Variants in UST observed in about 807,000 individuals in gnomAD.
UST encodes the protein uronyl 2-sulfotransferase.
Under a neutral mutation model 45.6 loss-of-function variants are expected in UST, and 21 were observed. That is an observed-to-expected ratio of 0.46 (90% confidence interval 0.33 to 0.66). The LOEUF (loss-of-function observed/expected upper bound fraction) is 0.66, where lower values mean the gene tolerates loss of function less well. Among genes scored for constraint, UST ranks in the 30% least tolerant of loss-of-function variants. The pLI is 0.02. For missense variants in UST, 463 were observed against 512.4 expected, an observed-to-expected ratio of 0.90 and a Z score of 0.93; for synonymous variants, 215 against 200.6, an observed-to-expected ratio of 1.07 and a Z score of -0.61.
intron 1 of UST, among the ~76,000 whole-genome samples, chr6:148,844,324 T>C (rs1336648066): frequency 6.6e-6 from 1 of 152,232 alleles, no homozygotes; most frequent in Admixed American, 6.5e-5. Context: ...TTAAAGAGAA[T>C]AAGTTACTTG....
chr6:148,767,435 T>C (rs780547509), intron 1 of UST, among the ~76,000 whole-genome samples: 1 of 152,252 alleles, frequency 6.6e-6, no homozygotes, highest in African/African-American at 2.4e-5. Context: ...AATGTCAAGT[T>C]TGTTAATAAG....
Position 148,800,194 on chromosome 6 carries a change from G to A in UST, c.247+52517G>A, listed in dbSNP as rs570850116. ...CTTCCTCAGTGGTGCTCTATGGGCAGTTACTGACCCTCACTGGGTTTTTAA... is the reference window on the plus strand; with the variant it reads ...CTTCCTCAGTGGTGCTCTATGGGCAATTACTGACCCTCACTGGGTTTTTAA... On this transcript the variant is annotated intron_variant, in intron 1 of 7. Transcript: ENST00000367463. 2.6e-5 allele frequency among the ~76,000 whole-genome samples: 4 copies of A among 152,328 alleles called. No homozygotes were observed. In the South Asian group the frequency reaches 8.3e-4, roughly 32 times the overall value.
intron 1 of UST, among the ~76,000 whole-genome samples, chr6:148,750,947 A>G (rs898727462): frequency 1.3e-5 from 2 of 152,072 alleles, no homozygotes; most frequent in African/African-American, 2.4e-5. Flanking sequence ...GGGTCCTTGG[A>G]CCTGCCGCAT....
intron 7 of UST, among the ~76,000 whole-genome samples, chr6:149,047,174 C>A (rs12153925): frequency 2.0e-5 from 3 of 151,968 alleles, no homozygotes; most frequent in Non-Finnish European, 4.4e-5. Flanking sequence ...TATATACACA[C>A]CCCATTTCAG....
At chr6:148,810,733 T>A (rs935574436) in intron 1 of UST, among the ~76,000 whole-genome samples, 1 of 152,188 alleles carries the variant, frequency 6.6e-6, no homozygotes, top group African/African-American at 2.4e-5. Context: ...GAAGAGCAAT[T>A]TTTTTTAAAA....
intron 4 of UST, 149 bp from the exon 5 acceptor site, chr6:148,964,261 C>T: frequency 1.1e-6 from 1 of 891,790 alleles, no homozygotes; most frequent in South Asian, 1.8e-5. Context: ...TATCAGGAAA[C>T]ACCGTTTGCT....
chr6:148,784,459 AC>A (rs1366668271), intron 1 of UST, among the ~76,000 whole-genome samples: 3 of 152,206 alleles, frequency 2.0e-5, no homozygotes, highest in Non-Finnish European at 4.4e-5. Context: ...CTCAAGTTCC[AC>A]CAGTGAGTGA....
At chr6:148,749,340 G>A (rs1443936708) in intron 1 of UST, among the ~76,000 whole-genome samples, 1 of 152,204 alleles carries the variant, frequency 6.6e-6, no homozygotes, top group African/African-American at 2.4e-5. Flanking sequence ...GGAGGCAAGC[G>A]TTGAGGCTCA....
chr6:148,946,553 T>TGTA (rs1172896800), intron 3 of UST, among the ~76,000 whole-genome samples: 2 of 131,670 alleles, frequency 1.5e-5, no homozygotes, highest in Non-Finnish European at 3.2e-5. Context: ...GGCTCATACC[T>TGTA]GTAATCTCAG....
chr6:148,747,800 G>A, intron 1 of UST, 123 bp downstream of exon 1: 1 of 1,297,156 alleles, frequency 7.7e-7, no homozygotes, highest in Non-Finnish European at 1.0e-6. Flanking sequence ...GGTCTCTCCA[G>A]GTGCTAAGCC....
chr6:148,835,615 A>C (rs915815767), intron 1 of UST, among the ~76,000 whole-genome samples: 1 of 152,102 alleles, frequency 6.6e-6, no homozygotes, highest in Non-Finnish European at 1.5e-5. Context: ...CCAATCTGTC[A>C]TTTGTCATGT....
At chr6:148,816,949 T>C (rs935604148) in intron 1 of UST, among the ~76,000 whole-genome samples, 3 of 152,180 alleles carry the variant, frequency 2.0e-5, no homozygotes, top group African/African-American at 7.2e-5. Context: ...TCATGGCCCT[T>C]AAGGTCTTAA....
intron 5 of UST, chr6:148,990,321 A>G: frequency 1.1e-6 from 1 of 888,206 alleles, no homozygotes; most frequent in Non-Finnish European, 1.3e-6. Context: ...GTATTTGAAG[A>G]CAAAGAATAA....
chr6:148,799,367 A>G (rs1404932007), intron 1 of UST, among the ~76,000 whole-genome samples: 1 of 152,146 alleles, frequency 6.6e-6, no homozygotes, highest in Non-Finnish European at 1.5e-5. Flanking sequence ...CTGATGGCCA[A>G]GGCAACTGTG....
At chr6:148,825,969 C>T (rs1490510753) in intron 1 of UST, among the ~76,000 whole-genome samples, 1 of 152,046 alleles carries the variant, frequency 6.6e-6, no homozygotes, top group African/African-American at 2.4e-5. Flanking sequence ...GCAGATAGAG[C>T]TATTAAGAGG....
chr6:148,923,823 A>G (rs936862948), intron 2 of UST, among the ~76,000 whole-genome samples: 2 of 152,094 alleles, frequency 1.3e-5, no homozygotes, highest in African/African-American at 4.8e-5. Flanking sequence ...CTGTACTTGG[A>G]TTGTAGTTGG....
chr6:148,961,105 C>A (rs1329845505), intron 4 of UST, among the ~76,000 whole-genome samples: 1 of 152,146 alleles, frequency 6.6e-6, no homozygotes, highest in African/African-American at 2.4e-5. Flanking sequence ...TGCAGAGCTT[C>A]ATCTTCTCAT....
intron 1 of UST, among the ~76,000 whole-genome samples, chr6:148,796,623 CAA>C (rs11465084): frequency 5.6e-5 from 5 of 88,952 alleles, no homozygotes; most frequent in African/African-American, 9.1e-5. Context: ...GACTCTGTCT[CAA>C]AAAAAAAAAA....
In UST at chr6:148,796,757, C is replaced by A. The variant is rs573634724; in HGVS notation, c.247+49080C>A. Among the ~76,000 whole-genome samples the A allele has an allele frequency of 2.0e-5, 3 of 151,018 alleles. 1 individual carries two copies. On this transcript the variant is annotated intron_variant, in intron 1 of 7. Coordinates refer to ENST00000367463, the MANE Select transcript of UST (RefSeq NM_005715.3). ...TCCCTAGTACAGGCTCTCTTCATGCCGCAGTGTTGCCCTTTAAAAACCAAC... is the reference window on the plus strand; with the variant it reads ...TCCCTAGTACAGGCTCTCTTCATGCAGCAGTGTTGCCCTTTAAAAACCAAC...
Sources: allele counts gnomAD v4.1 joint callset (sites outside exome capture counted in the v4.1 genomes callset), GRCh38; gene constraint gnomAD v4.1.1; transcripts MANE v1.5; gene names NCBI Gene and HGNC (gene_info 2026-07-23, HGNC 2026-07-21).